LRRC37A2: variants seen among roughly 807,000 people sequenced by gnomAD.
LRRC37A2 encodes leucine-rich repeat-containing protein 37A2.
A neutral mutation model predicts 68.8 loss-of-function variants in LRRC37A2; 9 were observed. The ratio of observed to expected loss-of-function variants is 0.13; its 90% confidence interval spans 0.08 to 0.23. The LOEUF (loss-of-function observed/expected upper bound fraction) is 0.23. Among genes scored for constraint, LRRC37A2 ranks in the 10% least tolerant of loss-of-function variants. The pLI, the probability that LRRC37A2 is intolerant of heterozygous loss-of-function variation, is 1.00. For missense variants in LRRC37A2, 168 were observed against 950.4 expected, an observed-to-expected ratio of 0.18 and a Z score of 10.82; for synonymous variants, 63 against 367.6, an observed-to-expected ratio of 0.17 and a Z score of 9.48.
chr17:46,726,715 C>T, the LRRC37A2 span: 1 of 1,011,384 alleles, frequency 9.9e-7, no homozygotes, highest in Non-Finnish European at 1.6e-6. Flanking sequence ...AACTGTAAAG[C>T]AATAGAAATA....
chr17:46,756,483 TTAAGTA>T, the LRRC37A2 span: 6 of 152,276 alleles, frequency 3.9e-5, no homozygotes, highest in African/African-American at 1.4e-4. Context: ...TGACTTCCCC[TTAAGTA>T]TAACTAATTT....
chr17:46,773,921 C>CA, the LRRC37A2 span: 2 of 1,610,238 alleles, frequency 1.2e-6, no homozygotes, highest in South Asian at 1.1e-5. Context: ...TGCAGGCAGA[C>CA]AGAGGGTAGT....
At chr17:46,580,430 CAAG>C in the LRRC37A2 span, among the ~76,000 whole-genome samples, 2 of 146,748 alleles carry the variant, frequency 1.4e-5, no homozygotes, top group Non-Finnish European at 3.0e-5. Context: ...GAAACTATAT[CAAG>C]AACTTCAGCA....
At chr17:46,791,323 C>G in the LRRC37A2 span, among the ~76,000 whole-genome samples, 2 of 152,104 alleles carry the variant, frequency 1.3e-5, no homozygotes, top group Non-Finnish European at 2.9e-5. Flanking sequence ...AAGCGATTCT[C>G]CTCCTGAGTA....
chr17:46,923,103 T>A, the LRRC37A2 span: 1 of 926,444 alleles, frequency 1.1e-6, no homozygotes, highest in African/African-American at 1.6e-5. Flanking sequence ...GGGAGGGTCC[T>A]GCGACCGGAA....
At chr17:47,022,196 G>T in the LRRC37A2 span, among the ~76,000 whole-genome samples, 16 of 19,224 alleles carry the variant, frequency 8.3e-4, no homozygotes, top group African/African-American at 1.1e-3. Context: ...CCAGAGACAG[G>T]TTCTTACTTT....
At chr17:46,541,688 A>G (rs2055350381) in intron 8 of LRRC37A2, among the ~76,000 whole-genome samples, 1 of 151,022 alleles carries the variant, frequency 6.6e-6, no homozygotes, top group Non-Finnish European at 1.5e-5. Flanking sequence ...TGGAAAAAAT[A>G]AAATATATAA....
the LRRC37A2 span, among the ~76,000 whole-genome samples, chr17:46,909,121 G>T: frequency 6.6e-6 from 1 of 152,170 alleles, no homozygotes; most frequent in African/African-American, 2.4e-5. Flanking sequence ...GCACATACAT[G>T]GCTCACTGCA....
the LRRC37A2 span, among the ~76,000 whole-genome samples, chr17:46,745,294 A>G: frequency 5.9e-5 from 9 of 152,360 alleles, 1 homozygote; most frequent in Admixed American, 4.6e-4. Flanking sequence ...TTAATACACA[A>G]AATGGCCCAG....
At chr17:46,894,707 G>A in the LRRC37A2 span, among the ~76,000 whole-genome samples, 22 of 152,132 alleles carry the variant, frequency 1.4e-4, no homozygotes, top group Admixed American at 1.3e-4. Flanking sequence ...GTGGAATGAC[G>A]AGCTCACTCC....
the LRRC37A2 span, among the ~76,000 whole-genome samples, chr17:46,828,036 C>T: frequency 1.3e-5 from 2 of 151,552 alleles, no homozygotes; most frequent in African/African-American, 2.4e-5. Context: ...GGTCTCGATC[C>T]GCTGACCTCA....
chr17:46,747,205 T>C, the LRRC37A2 span, among the ~76,000 whole-genome samples: 1 of 151,888 alleles, frequency 6.6e-6, no homozygotes, highest in African/African-American at 2.4e-5. Flanking sequence ...AGAAAACAAA[T>C]TGGAAAAAGG....
chr17:46,806,207 C>CTTT, the LRRC37A2 span, among the ~76,000 whole-genome samples: 2 of 75,652 alleles, frequency 2.6e-5, no homozygotes, highest in African/African-American at 1.0e-4. Flanking sequence ...TTTTCTTTTC[C>CTTT]TTTTTTTTTT....
At chr17:46,818,355 G>C in the LRRC37A2 span, among the ~76,000 whole-genome samples, 16 of 128,456 alleles carry the variant, frequency 1.2e-4, no homozygotes, top group African/African-American at 4.1e-4. Context: ...GATTCTGAAG[G>C]CGACACCAGC....
the LRRC37A2 span, among the ~76,000 whole-genome samples, chr17:46,456,210 ATGTGTGTGTGTGTGTGTG>A: frequency 1.1e-5 from 1 of 90,666 alleles, no homozygotes; most frequent in Non-Finnish European, 2.4e-5. Flanking sequence ...TCCATGGGAT[ATGTGTGTGTGTGTGTGTG>A]TGTGTGTGTG....
the LRRC37A2 span, chr17:46,774,012 G>C: frequency 6.7e-7 from 1 of 1,485,524 alleles, no homozygotes; most frequent in Non-Finnish European, 9.1e-7. Flanking sequence ...TGGAGAGGCA[G>C]AGGGCCTGTG....
At chr17:46,914,011 G>A in the LRRC37A2 span, among the ~76,000 whole-genome samples, 3 of 152,148 alleles carry the variant, frequency 2.0e-5, no homozygotes, top group South Asian at 2.1e-4. Flanking sequence ...CGCTTGCCTC[G>A]GCCTCCCAAA....
At chr17:46,876,781 C>G in the LRRC37A2 span, 8 of 1,475,464 alleles carry the variant, frequency 5.4e-6, no homozygotes, top group East Asian at 1.7e-4. Context: ...TTCAAGCTGC[C>G]CAGCCGGCCC....
At chr17:46,609,745 G>A in the LRRC37A2 span, among the ~76,000 whole-genome samples, 2 of 145,592 alleles carry the variant, frequency 1.4e-5, no homozygotes, top group East Asian at 1.9e-4. Context: ...GTGGCCTTAC[G>A]GATGTAAGTC....
Sources: gnomAD v4.1 joint callset for allele counts (sites outside exome capture counted in the v4.1 genomes callset) on GRCh38, gnomAD v4.1.1 for gene constraint, MANE v1.5 for transcripts, NCBI Gene and HGNC (gene_info 2026-07-23, HGNC 2026-07-21) for gene names.